IQCM: variants seen among roughly 807,000 people sequenced by gnomAD.
The protein encoded by IQCM is IQ motif containing M.
IQCM carries 45 observed loss-of-function variants against 57.6 expected under a neutral mutation model. The ratio of observed to expected loss-of-function variants is 0.78; its 90% CI spans 0.62 to 1.00. The LOEUF (loss-of-function observed/expected upper bound fraction) is 1.00, where lower values mean the gene tolerates loss of function less well. IQCM is among the 50% of genes least tolerant of loss of function. The pLI is 0.00. For missense variants in IQCM, 468 were observed against 511.6 expected, an observed-to-expected ratio of 0.91 and a Z score of 0.82; for synonymous variants, 148 against 158.9, an observed-to-expected ratio of 0.93 and a Z score of 0.51.
intron 13 of IQCM, among the ~76,000 whole-genome samples, chr4:149,402,486 C>T (rs1057032566): frequency 6.6e-6 from 1 of 151,770 alleles, no homozygotes; most frequent in Non-Finnish European, 1.5e-5. Flanking sequence ...AATACTAACT[C>T]TAGGCCATGA....
rs766559235 is a variant in IQCM at position 149,370,464 on chromosome 4, GTCC to G, written c.1391-18401_1391-18399del. Among the ~76,000 whole-genome samples, 241 of 150,692 alleles carry G rather than the reference GTCC, an allele frequency of 1.6e-3. 1 individual carries two copies. Among genetic ancestry groups the G allele is most frequent in the Non-Finnish European group, 2.6e-3 (179 of 67,622 alleles). On this transcript the variant is annotated intron_variant, in intron 13 of 13. Coordinates refer to ENST00000636793, the MANE Select transcript of IQCM (RefSeq NM_001363507.2). ...TATTATTCCCCTTTTCCTCTTTTTT[GTCC>G]TCCTCCGCCCAGAGGACCAATAATA...
At chr4:149,587,453 T>C (rs748543785) in intron 9 of IQCM, among the ~76,000 whole-genome samples, 5 of 151,714 alleles carry the variant, frequency 3.3e-5, no homozygotes, top group South Asian at 4.1e-4. Flanking sequence ...TCTCACAAAA[T>C]CAATGTTTTC....
intron 8 of IQCM, among the ~76,000 whole-genome samples, chr4:149,598,144 G>C (rs1753948618): frequency 1.3e-5 from 2 of 152,094 alleles, no homozygotes; most frequent in South Asian, 4.1e-4. Context: ...AAAGGATGTA[G>C]TTCAAGAAGG....
intron 13 of IQCM, among the ~76,000 whole-genome samples, chr4:149,417,501 T>C (rs1733827904): frequency 6.6e-6 from 1 of 152,194 alleles, no homozygotes; most frequent in African/African-American, 2.4e-5. Context: ...TTTCTGGGTG[T>C]CACCTTATTC....
chr4:149,787,312 A>G (rs1772164681), intron 2 of IQCM, among the ~76,000 whole-genome samples: 1 of 152,042 alleles, frequency 6.6e-6, no homozygotes. Context: ...AAATACAGGA[A>G]TAAATAAAAT....
intron 12 of IQCM, among the ~76,000 whole-genome samples, chr4:149,543,793 T>C (rs2149883284): frequency 6.6e-6 from 1 of 152,276 alleles, no homozygotes; most frequent in East Asian, 1.9e-4. Context: ...ATTTTATGTA[T>C]TTCTATATTT....
At chr4:149,403,690 A>G (rs1165870385) in intron 13 of IQCM, among the ~76,000 whole-genome samples, 1 of 151,932 alleles carries the variant, frequency 6.6e-6, no homozygotes, top group African/African-American at 2.4e-5. Context: ...TCAAATCCAG[A>G]GCATAATGGG....
chr4:149,743,083 C>T (rs1223645011), intron 2 of IQCM, among the ~76,000 whole-genome samples: 1 of 152,122 alleles, frequency 6.6e-6, no homozygotes, highest in Non-Finnish European at 1.5e-5. Flanking sequence ...GTGCAAAACT[C>T]AAAAGATGTT....
At chr4:149,775,868 G>T (rs111518316) in intron 2 of IQCM, among the ~76,000 whole-genome samples, 2 of 152,290 alleles carry the variant, frequency 1.3e-5, no homozygotes, top group African/African-American at 2.4e-5. Context: ...GCTACGTGGG[G>T]TTGGTAACAC....
intron 7 of IQCM, among the ~76,000 whole-genome samples, chr4:149,645,815 C>G (rs2150123956): frequency 6.6e-6 from 1 of 152,166 alleles, no homozygotes; most frequent in Non-Finnish European, 1.5e-5. Flanking sequence ...GCACCCAACT[C>G]CCTCTCCTCA....
intron 12 of IQCM, among the ~76,000 whole-genome samples, chr4:149,543,554 C>A (rs1748070584): frequency 8.1e-6 from 1 of 123,154 alleles, no homozygotes; most frequent in African/African-American, 3.2e-5. Context: ...TTTTTTATGG[C>A]TGCATAGTAT....
intron 7 of IQCM, among the ~76,000 whole-genome samples, chr4:149,629,978 TG>T (rs1561080184): frequency 2.2e-4 from 1 of 4,448 alleles, no homozygotes; most frequent in East Asian, 7.0e-3. Flanking sequence ...GGAGCGGGTG[TG>T]GGGTGGGGGG....
chr4:149,590,907 A>G (rs1753097202), intron 8 of IQCM, among the ~76,000 whole-genome samples: 1 of 152,070 alleles, frequency 6.6e-6, no homozygotes, highest in African/African-American at 2.4e-5. Flanking sequence ...TGCTGCAATA[A>G]ACATATGTGT....
At chr4:149,681,117 G>C (rs140652218) in intron 7 of IQCM, among the ~76,000 whole-genome samples, 2 of 151,400 alleles carry the variant, frequency 1.3e-5, no homozygotes, top group East Asian at 3.9e-4. Context: ...TGATGGTAAA[G>C]AGCTATAGAA....
intron 13 of IQCM, among the ~76,000 whole-genome samples, chr4:149,421,851 G>A (rs1287972548): frequency 2.0e-5 from 3 of 151,922 alleles, no homozygotes; most frequent in Admixed American, 2.0e-4. Flanking sequence ...AATGTTCTAT[G>A]CCCTGCAGGT....
At chr4:149,362,206 C>A (rs568129955) in intron 13 of IQCM, among the ~76,000 whole-genome samples, 1 of 152,252 alleles carries the variant, frequency 6.6e-6, no homozygotes, top group East Asian at 1.9e-4. Context: ...TTTGATTTTA[C>A]AGGGTCCTAA....
intron 7 of IQCM, among the ~76,000 whole-genome samples, chr4:149,636,375 T>A (rs1171651420): frequency 6.6e-6 from 1 of 152,156 alleles, no homozygotes; most frequent in Admixed American, 6.5e-5. Context: ...CTGCACTGAC[T>A]CTCCTACTCT....
chr4:149,386,157 C>T (rs1731408680), intron 13 of IQCM, among the ~76,000 whole-genome samples: 1 of 152,064 alleles, frequency 6.6e-6, no homozygotes, highest in Non-Finnish European at 1.5e-5. Flanking sequence ...GTTTGTGCAC[C>T]TGTAATTTAC....
intron 8 of IQCM, among the ~76,000 whole-genome samples, chr4:149,619,131 T>TACAC (rs1554008940): frequency 2.1e-5 from 3 of 141,974 alleles, no homozygotes; most frequent in African/African-American, 8.4e-5. Context: ...TATATATATA[T>TACAC]ACACCATGGA....
Sources: gnomAD v4.1 joint callset for allele counts (sites outside exome capture counted in the v4.1 genomes callset) on GRCh38, gnomAD v4.1.1 for gene constraint, MANE v1.5 for transcripts, NCBI Gene and HGNC (gene_info 2026-07-23, HGNC 2026-07-21) for gene names.